The following STARD13 variants were observed in gnomAD, a reference collection of about 807,000 sequenced individuals.
STARD13 encodes the protein stAR-related lipid transfer protein 13.
Under a neutral mutation model 106.4 loss-of-function variants are expected in STARD13, and 62 were observed. The observed-to-expected ratio is 0.58, with a 90% CI of 0.48 to 0.72. The LOEUF (loss-of-function observed/expected upper bound fraction) is 0.72, where lower values mean the gene tolerates loss of function less well. STARD13 is among the 30% of genes least tolerant of loss of function. STARD13 has a pLI of 0.00. For synonymous variants in STARD13, 565 were observed against 553.0 expected, an observed-to-expected ratio of 1.02 and a Z score of -0.31; for missense variants, 1,387 against 1,424.0, an observed-to-expected ratio of 0.97 and a Z score of 0.42.
the STARD13 span, among the ~76,000 whole-genome samples, chr13:33,562,597 G>T: frequency 6.8e-6 from 1 of 146,404 alleles, no homozygotes. Flanking sequence ...CTAAAGTCTA[G>T]GGGTCCTGTC....
the STARD13 span, among the ~76,000 whole-genome samples, chr13:33,568,788 A>T: frequency 6.7e-6 from 1 of 148,284 alleles, no homozygotes; most frequent in African/African-American, 2.5e-5. Flanking sequence ...TCCAAGAGAG[A>T]TTTGTTAAGC....
chr13:33,247,274 T>C (rs1327199003), intron 1 of STARD13, among the ~76,000 whole-genome samples: 1 of 151,720 alleles, frequency 6.6e-6, no homozygotes, highest in Non-Finnish European at 1.5e-5. Flanking sequence ...GAAGAGAAAG[T>C]GCGGCTTGGT....
At chr13:33,132,472 G>T (rs1161474993) in intron 4 of STARD13, among the ~76,000 whole-genome samples, 2 of 152,188 alleles carry the variant, frequency 1.3e-5, no homozygotes, top group African/African-American at 4.8e-5. Flanking sequence ...CACCATGATT[G>T]TGAGGCCTGC....
intron 3 of STARD13, among the ~76,000 whole-genome samples, chr13:33,144,623 G>A (rs1257727480): frequency 6.6e-6 from 1 of 152,192 alleles, no homozygotes; most frequent in Non-Finnish European, 1.5e-5. Flanking sequence ...TGCTGAGTTG[G>A]AAGCTGATCA....
the STARD13 span, among the ~76,000 whole-genome samples, chr13:33,628,326 A>G: frequency 2.6e-5 from 4 of 152,146 alleles, no homozygotes; most frequent in African/African-American, 9.7e-5. Flanking sequence ...AGTATTAATA[A>G]CAAGCCTGGT....
the STARD13 span, among the ~76,000 whole-genome samples, chr13:33,369,926 A>G: frequency 1.9e-4 from 29 of 152,348 alleles, no homozygotes; most frequent in African/African-American, 6.7e-4. Context: ...TGTTACATTC[A>G]AAAGATAAAT....
the STARD13 span, among the ~76,000 whole-genome samples, chr13:33,375,903 C>T: frequency 2.0e-5 from 3 of 152,006 alleles, no homozygotes; most frequent in Non-Finnish European, 4.4e-5. Flanking sequence ...TGGTTTTGAC[C>T]ACATTACTTT....
the STARD13 span, among the ~76,000 whole-genome samples, chr13:33,440,767 ATT>A: frequency 0.078 from 4,705 of 59,950 alleles, 141 homozygotes; most frequent in East Asian, 0.11. Flanking sequence ...GAAAACAGCG[ATT>A]TTTTTTTTTT....
At chr13:33,558,662 G>GATCAGGACA in the STARD13 span, among the ~76,000 whole-genome samples, 173 of 151,864 alleles carry the variant, frequency 1.1e-3, 2 homozygotes, top group African/African-American at 3.9e-3. Flanking sequence ...CTGCTCAGAA[G>GATCAGGACA]CTAATGTTTC....
intron 1 of STARD13, among the ~76,000 whole-genome samples, chr13:33,228,345 G>A (rs1263880800): frequency 6.6e-6 from 1 of 151,906 alleles, no homozygotes; most frequent in Non-Finnish European, 1.5e-5. Flanking sequence ...CATACTGATT[G>A]TTTCTTATTT....
chr13:33,110,004 T>A lies in STARD13; in HGVS notation c.2916A>T (p.Arg972Ser), dbSNP rs765832728. The A allele has an allele frequency of 1.9e-6, 3 of 1,614,244 alleles. No individual in the cohort carries two copies. The highest frequency in any genetic ancestry group is 2.5e-6 in the Non-Finnish European group (3 of 1,180,048). ...PPSVVLNRVL[R>S]ERHLWDEDFV... ...AGTCCTCGTCCCACAGGTGGCGCTC[T>A]CTCAGCACGCGGTTCAGGACCACTG... The change falls in exon 12 of 14, where the codon AGA becomes AGT. Residue 972 changes from arginine to serine, a missense_variant. By Grantham distance (110) the Arg-to-Ser change is moderately radical. Transcript: ENST00000336934.
chr13:33,233,467 C>A (rs879663507), intron 1 of STARD13, among the ~76,000 whole-genome samples: 2 of 152,192 alleles, frequency 1.3e-5, no homozygotes, highest in Non-Finnish European at 2.9e-5. Context: ...TCAGGGAAGA[C>A]GACCTGCCCT....
chr13:33,335,029 G>A (rs1337271826), intron 1 of STARD13: 1 of 152,348 alleles, frequency 6.6e-6, no homozygotes, highest in Non-Finnish European at 1.5e-5. Context: ...GCTCACACTG[G>A]GCAGCAGGAA....
At chr13:33,243,475 CT>C (rs1889650050) in intron 1 of STARD13, among the ~76,000 whole-genome samples, 1 of 152,164 alleles carries the variant, frequency 6.6e-6, no homozygotes, top group Admixed American at 6.5e-5. Context: ...AGTGAAGGGC[CT>C]CTTATGCCAC....
At chr13:33,380,636 C>G in the STARD13 span, among the ~76,000 whole-genome samples, 1 of 151,958 alleles carries the variant, frequency 6.6e-6, no homozygotes, top group African/African-American at 2.4e-5. Flanking sequence ...ATCTGGTAAA[C>G]AGATGCAAGA....
Position 33,142,297 on chromosome 13 carries a change from T to C in STARD13, c.387+13A>G, listed in dbSNP as rs1310743451. ...TGGCATAGCCACATTCTTATTAAGG[T>C]GTGGGCACCTACCTTTTTCCTTTGG... is the stretch of plus-strand genomic sequence containing the variant. On this transcript the variant is annotated intron_variant, in intron 4 of 13. Transcript: ENST00000336934. The C allele has an allele frequency of 6.8e-6, 11 of 1,609,950 alleles. No individual in the cohort carries two copies. The highest frequency in any genetic ancestry group is 9.4e-6 in the Non-Finnish European group (11 of 1,176,322).
At chr13:33,409,267 T>A in the STARD13 span, among the ~76,000 whole-genome samples, 1 of 152,190 alleles carries the variant, frequency 6.6e-6, no homozygotes, top group South Asian at 2.1e-4. Context: ...TGTTACCTCA[T>A]TTCATCTGTA....
chr13:33,552,738 GAGAT>G, the STARD13 span, among the ~76,000 whole-genome samples: 1 of 152,132 alleles, frequency 6.6e-6, no homozygotes, highest in Non-Finnish European at 1.5e-5. Flanking sequence ...GAATTAAAAA[GAGAT>G]AAATAATAGA....
intron 1 of STARD13, among the ~76,000 whole-genome samples, chr13:33,307,303 T>C (rs1594243899): frequency 2.0e-5 from 3 of 152,352 alleles, no homozygotes; most frequent in East Asian, 3.9e-4. Context: ...ATCCCATTAC[T>C]AGGTTATATA....
Sources: gnomAD v4.1 joint callset for allele counts (sites outside exome capture counted in the v4.1 genomes callset) on GRCh38, gnomAD v4.1.1 for gene constraint, MANE v1.5 for transcripts, NCBI Gene and HGNC (gene_info 2026-07-23, HGNC 2026-07-21) for gene names.